Variants in PARD3B observed in about 807,000 individuals in gnomAD.
PARD3B encodes par-3 family cell polarity regulator beta.
In PARD3B, 103 loss-of-function variants were observed where a neutral mutation model predicts 130.2. That is an observed-to-expected ratio of 0.79 (90% CI 0.67 to 0.93). PARD3B has a LOEUF of 0.93. Ranked by LOEUF, PARD3B falls within the 40% of genes least tolerant of loss-of-function variation. PARD3B has a pLI of 0.00. For synonymous variants in PARD3B, 583 were observed against 553.2 expected (o/e 1.05, Z -0.76); for missense variants, 1,609 against 1,499.2 (o/e 1.07, Z -1.21).
intron 1 of PARD3B, among the ~76,000 whole-genome samples, chr2:204,656,387 AACAT>A (rs935545298): frequency 6.8e-5 from 10 of 146,336 alleles, no homozygotes; most frequent in African/African-American, 2.6e-4. Flanking sequence ...CAAACAAACA[AACAT>A]GTATGGGCAG....
At chr2:205,578,618 G>A (rs2053851905) in intron 22 of PARD3B, among the ~76,000 whole-genome samples, 1 of 152,128 alleles carries the variant, frequency 6.6e-6, no homozygotes, top group South Asian at 2.1e-4. Flanking sequence ...AGAATCATGA[G>A]AAAAAATGGT....
At position 205,128,147 on chromosome 2, in the gene PARD3B, T is replaced by C. The variant is rs1384832990; in HGVS notation, c.1434+2410T>C. 6.6e-6 allele frequency among the ~76,000 whole-genome samples: 1 copy of C among 152,220 alleles called. No homozygotes were observed. The highest frequency in any genetic ancestry group is 1.5e-5 in the Non-Finnish European group (1 of 68,036). On this transcript the variant is annotated intron_variant, in intron 10 of 22. Coordinates refer to ENST00000406610, the MANE Select transcript of PARD3B (RefSeq NM_001302769.2). The surrounding 1 kb of genome is among the most constrained non-coding windows in gnomAD (Gnocchi z 4.5). Reference sequence around the variant, plus strand: ...AATAAGTTTTGACTGTGTATTCCATTGAACTGTGGTCCTGGAAGAAATAAA... The same window carrying C: ...AATAAGTTTTGACTGTGTATTCCATCGAACTGTGGTCCTGGAAGAAATAAA...
At chr2:205,041,255 T>C (rs957457442) in intron 3 of PARD3B, among the ~76,000 whole-genome samples, 6 of 152,162 alleles carry the variant, frequency 3.9e-5, no homozygotes, top group African/African-American at 1.4e-4. Context: ...ATCTAGTCTT[T>C]GGTTTCTCAC....
At chr2:204,563,217 G>GTC (rs35536964) in intron 1 of PARD3B, among the ~76,000 whole-genome samples, 7,178 of 86,492 alleles carry the variant, frequency 0.083, 659 homozygotes, top group East Asian at 0.15. Flanking sequence ...TCTTCCCGCT[G>GTC]TCTCTCTCTC....
intron 2 of PARD3B, among the ~76,000 whole-genome samples, chr2:204,790,095 C>T (rs1463976685): frequency 6.6e-6 from 1 of 152,168 alleles, no homozygotes; most frequent in African/African-American, 2.4e-5. Context: ...TGGTCTCGAT[C>T]TCCTGATCTC....
chr2:204,994,398 G>C (rs1253823583), intron 3 of PARD3B, among the ~76,000 whole-genome samples: 2 of 114,940 alleles, frequency 1.7e-5, no homozygotes, highest in Non-Finnish European at 3.6e-5. Flanking sequence ...CTTTGAGTGA[G>C]ATTCTTAATC....
At chr2:204,867,838 A>C (rs1401084112) in intron 2 of PARD3B, among the ~76,000 whole-genome samples, 1 of 152,198 alleles carries the variant, frequency 6.6e-6, no homozygotes, top group Non-Finnish European at 1.5e-5. Context: ...GCTGCCTGTT[A>C]ATCTTTAACT....
intron 4 of PARD3B, among the ~76,000 whole-genome samples, chr2:205,056,025 A>T (rs1192283963): frequency 6.6e-6 from 1 of 152,098 alleles, no homozygotes; most frequent in African/African-American, 2.4e-5. Flanking sequence ...TGTCTTCCAT[A>T]GGTTCTGAAC....
intron 2 of PARD3B, among the ~76,000 whole-genome samples, chr2:204,753,403 T>C (rs1296485109): frequency 6.6e-6 from 1 of 152,166 alleles, no homozygotes. Flanking sequence ...TAAAGTTCTT[T>C]GATCTTATAG....
intron 2 of PARD3B, among the ~76,000 whole-genome samples, chr2:204,735,101 TGTCA>T (rs1163281449): frequency 6.7e-6 from 1 of 150,164 alleles, no homozygotes; most frequent in African/African-American, 2.5e-5. Context: ...GTCAAGTGGT[TGTCA>T]GTGACAACCA....
intron 18 of PARD3B, among the ~76,000 whole-genome samples, chr2:205,333,116 A>G (rs1458945256): frequency 6.6e-6 from 1 of 152,172 alleles, no homozygotes; most frequent in African/African-American, 2.4e-5. Context: ...GAAAGTACAT[A>G]CTACCCCAGA....
chr2:204,729,321 A>T (rs1269283032), intron 2 of PARD3B, among the ~76,000 whole-genome samples: 1 of 152,160 alleles, frequency 6.6e-6, no homozygotes, highest in East Asian at 1.9e-4. Context: ...TTGCAGAATA[A>T]AGACTTTAAG....
intron 20 of PARD3B, among the ~76,000 whole-genome samples, chr2:205,472,963 A>AAATGAATG (rs201322890): frequency 6.6e-6 from 1 of 151,942 alleles, no homozygotes; most frequent in Non-Finnish European, 1.5e-5. Context: ...GTGAATGAAT[A>AAATGAATG]AATGAATGAA....
intron 2 of PARD3B, among the ~76,000 whole-genome samples, chr2:204,795,859 AATTCCCT>A (rs1466326278): frequency 6.6e-6 from 1 of 152,174 alleles, no homozygotes; most frequent in East Asian, 1.9e-4. Flanking sequence ...TTTCCCTTAA[AATTCCCT>A]TATTTTAAAA....
chr2:204,627,585 T>C (rs1333633767), intron 1 of PARD3B, among the ~76,000 whole-genome samples: 1 of 152,166 alleles, frequency 6.6e-6, no homozygotes. Context: ...AAAAGAATTA[T>C]ACAGCACACA....
chr2:205,374,370 G>A (rs849195), intron 18 of PARD3B, among the ~76,000 whole-genome samples: 17,396 of 151,938 alleles, frequency 0.11, 1,075 homozygotes, highest in Middle Eastern at 0.14. Context: ...CTGAGTAGCT[G>A]GGATTACAGG....
intron 22 of PARD3B, among the ~76,000 whole-genome samples, chr2:205,578,829 A>T (rs2053860382): frequency 6.6e-6 from 1 of 152,218 alleles, no homozygotes; most frequent in South Asian, 2.1e-4. Flanking sequence ...AATGAATTTT[A>T]AACTCATCTT....
chr2:205,104,634 C>T (rs1703070916), intron 5 of PARD3B, 120 bp downstream of exon 5: 2 of 665,924 alleles, frequency 3.0e-6, no homozygotes, highest in Admixed American at 2.7e-5. Context: ...TGGAGTGCAA[C>T]ATGTCCCAAG....
At chr2:204,935,151 T>C (rs1205772789) in intron 2 of PARD3B, among the ~76,000 whole-genome samples, 1 of 149,132 alleles carries the variant, frequency 6.7e-6, no homozygotes, top group Non-Finnish European at 1.5e-5. Context: ...CCCTACTTTT[T>C]TTTTTTTTTT....
Sources: allele counts gnomAD v4.1 joint callset (sites outside exome capture counted in the v4.1 genomes callset), GRCh38; gene constraint gnomAD v4.1.1; non-coding constraint Gnocchi (gnomAD v3.1); transcripts MANE v1.5; gene names NCBI Gene and HGNC (gene_info 2026-07-23, HGNC 2026-07-21).